Variants in EDIL3 observed in about 807,000 individuals in gnomAD.
EDIL3 encodes EGF-like repeat and discoidin I-like domain-containing protein 3.
Under a neutral mutation model 67.4 loss-of-function variants are expected in EDIL3, and 37 were observed. The ratio of observed to expected loss-of-function variants is 0.55; its 90% CI spans 0.42 to 0.72. The LOEUF (loss-of-function observed/expected upper bound fraction) is 0.72, where lower values mean the gene tolerates loss of function less well. EDIL3 is among the 30% of genes least tolerant of loss of function. The probability of loss-of-function intolerance (pLI) is 0.00; values close to 1 mark genes in which losing one functional copy is unlikely to be tolerated. For missense variants in EDIL3, 527 were observed against 586.3 expected, an observed-to-expected ratio of 0.90 and a Z score of 1.04; for synonymous variants, 195 against 196.3, an observed-to-expected ratio of 0.99 and a Z score of 0.05.
At chr5:84,027,596 G>C (rs1298011141) in intron 9 of EDIL3, among the ~76,000 whole-genome samples, 1 of 134,394 alleles carries the variant, frequency 7.4e-6, no homozygotes, top group African/African-American at 2.8e-5. Context: ...AAATTCTTAT[G>C]AGATAGCCTT....
chr5:84,050,907 A>G (rs1415765616), intron 9 of EDIL3, among the ~76,000 whole-genome samples: 1 of 152,230 alleles, frequency 6.6e-6, no homozygotes, highest in Non-Finnish European at 1.5e-5. Flanking sequence ...GCCGAACAAA[A>G]GGCAGTAGAA....
chr5:84,285,677 A>C (rs1442497064), intron 1 of EDIL3, among the ~76,000 whole-genome samples: 2 of 152,236 alleles, frequency 1.3e-5, no homozygotes, highest in African/African-American at 4.8e-5. Context: ...GGTTCCTGAA[A>C]ATAAATTCAC....
intron 2 of EDIL3, among the ~76,000 whole-genome samples, chr5:84,250,065 T>G (rs956440933): frequency 1.2e-4 from 18 of 152,242 alleles, no homozygotes; most frequent in African/African-American, 4.1e-4. Flanking sequence ...ATTTGCGGCT[T>G]AGCCACATGG....
intron 1 of EDIL3, among the ~76,000 whole-genome samples, chr5:84,312,726 A>G (rs1746433827): frequency 6.6e-6 from 1 of 152,316 alleles, no homozygotes; most frequent in East Asian, 1.9e-4. Context: ...GCGGCTATTC[A>G]ATGTATTTTC....
At chr5:84,072,727 G>T (rs1001101583) in intron 6 of EDIL3, among the ~76,000 whole-genome samples, 41 of 152,090 alleles carry the variant, frequency 2.7e-4, no homozygotes, top group African/African-American at 9.6e-4. Context: ...CTATAAATAG[G>T]CATCTAAGTA....
intron 6 of EDIL3, among the ~76,000 whole-genome samples, chr5:84,100,062 A>G (rs1747334103): frequency 6.6e-6 from 1 of 152,166 alleles, no homozygotes; most frequent in South Asian, 2.1e-4. Context: ...CGATCATTAA[A>G]AAGTCAGGAA....
intron 2 of EDIL3, among the ~76,000 whole-genome samples, chr5:84,243,452 C>T (rs1326126702): frequency 6.6e-6 from 1 of 152,174 alleles, no homozygotes; most frequent in African/African-American, 2.4e-5. Flanking sequence ...ACACAAACAG[C>T]ATGTGTCTTG....
At chr5:84,239,369 C>T (rs763614700) in intron 2 of EDIL3, among the ~76,000 whole-genome samples, 5 of 152,074 alleles carry the variant, frequency 3.3e-5, no homozygotes, top group Admixed American at 6.6e-5. Context: ...CTTGTTTAGG[C>T]GGCTTTATAA....
chr5:84,091,786 C>G (rs72774794), intron 6 of EDIL3, among the ~76,000 whole-genome samples: 10,036 of 152,256 alleles, frequency 0.066, 468 homozygotes, highest in Middle Eastern at 0.12. Context: ...TGCCAGTAAA[C>G]TTTCTATGCT....
At chr5:84,314,135 G>T (rs1746463157) in intron 1 of EDIL3, among the ~76,000 whole-genome samples, 1 of 152,138 alleles carries the variant, frequency 6.6e-6, no homozygotes, top group East Asian at 1.9e-4. Context: ...GGCGGAGGTT[G>T]CAGTGAGCCA....
At chr5:84,204,004 G>C (rs940346328) in intron 3 of EDIL3, among the ~76,000 whole-genome samples, 3 of 152,128 alleles carry the variant, frequency 2.0e-5, no homozygotes, top group African/African-American at 7.2e-5. Context: ...TTACCTGTTT[G>C]TCCAACAGGG....
At chr5:83,980,966 A>C (rs954447922) in intron 9 of EDIL3, among the ~76,000 whole-genome samples, 2 of 152,054 alleles carry the variant, frequency 1.3e-5, no homozygotes, top group African/African-American at 4.8e-5. Flanking sequence ...AGTAAAAACT[A>C]CAAAACATTG....
intron 9 of EDIL3, among the ~76,000 whole-genome samples, chr5:83,993,460 CAA>C: frequency 6.6e-6 from 1 of 152,274 alleles, no homozygotes; most frequent in East Asian, 1.9e-4. Flanking sequence ...AAGTATTTGA[CAA>C]AGTGATATTT....
At chr5:84,259,933 G>A (rs1360508310) in intron 1 of EDIL3, among the ~76,000 whole-genome samples, 1 of 152,096 alleles carries the variant, frequency 6.6e-6, no homozygotes, top group Non-Finnish European at 1.5e-5. Flanking sequence ...TGTGAGCTTA[G>A]TATATAATTA....
intron 1 of EDIL3, among the ~76,000 whole-genome samples, chr5:84,269,718 G>C (rs915731774): frequency 2.0e-5 from 3 of 152,096 alleles, no homozygotes; most frequent in Non-Finnish European, 4.4e-5. Flanking sequence ...GGCTCTTAGA[G>C]CTTTATTCTG....
intron 6 of EDIL3, among the ~76,000 whole-genome samples, chr5:84,071,006 C>A (rs1746731161): frequency 6.6e-6 from 1 of 152,156 alleles, no homozygotes; most frequent in African/African-American, 2.4e-5. Flanking sequence ...CCAGTTCCAG[C>A]CCACTGCCAG....
chr5:84,246,335 A>G (rs1744909140), intron 2 of EDIL3, among the ~76,000 whole-genome samples: 2 of 152,220 alleles, frequency 1.3e-5, no homozygotes, highest in South Asian at 4.1e-4. Context: ...CACTGCCACT[A>G]CGTAATAGTA....
chr5:84,292,890 C>T (rs1745950866), intron 1 of EDIL3, among the ~76,000 whole-genome samples: 1 of 152,156 alleles, frequency 6.6e-6, no homozygotes. Context: ...GGGGCAGTCA[C>T]AACAGGTAAT....
chr5:84,163,704 C>T (rs1015105422), intron 4 of EDIL3, among the ~76,000 whole-genome samples: 1 of 151,940 alleles, frequency 6.6e-6, no homozygotes, highest in Admixed American at 6.6e-5. Flanking sequence ...ATTGTGACAT[C>T]TTTTATAGAC....
Sources: gnomAD v4.1 joint callset for allele counts (sites outside exome capture counted in the v4.1 genomes callset) on GRCh38, gnomAD v4.1.1 for gene constraint, MANE v1.5 for transcripts, NCBI Gene and HGNC (gene_info 2026-07-23, HGNC 2026-07-21) for gene names.